SLC39A11: variants seen among roughly 807,000 people sequenced by gnomAD.
SLC39A11 encodes the protein zinc transporter ZIP11.
A neutral mutation model predicts 36.1 loss-of-function variants in SLC39A11; 33 were observed. That is an observed-to-expected ratio of 0.91 (90% CI 0.69 to 1.22). The LOEUF (loss-of-function observed/expected upper bound fraction) is 1.22. Among genes scored for constraint, SLC39A11 ranks in the 50% most tolerant of loss-of-function variants. The pLI, the probability that SLC39A11 is intolerant of heterozygous loss-of-function variation, is 0.00. For synonymous variants in SLC39A11, 166 were observed against 170.3 expected, an observed-to-expected ratio of 0.97 and a Z score of 0.20; for missense variants, 432 against 430.3, an observed-to-expected ratio of 1.00 and a Z score of -0.03.
Position 72,782,644 on chromosome 17 carries a change from C to T in SLC39A11, c.602-45925G>A, listed in dbSNP as rs138972897. The stretch of plus-strand genomic sequence containing the variant: ...TGGAGGTTGTAATGAGCTGAGGTTG[C>T]ATCACTTCACTCCAGCCTGGGCGAC... On this transcript the variant is annotated intron_variant, in intron 6 of 9. Coordinates refer to ENST00000255559, the MANE Select transcript of SLC39A11 (RefSeq NM_139177.4). Among the ~76,000 whole-genome samples, 38 of 135,954 alleles carry T rather than the reference C, an allele frequency of 2.8e-4. 1 individual carries two copies. Among genetic ancestry groups the T allele is most frequent in the African/African-American group, 9.8e-4 (35 of 35,552 alleles). 89.2% of individuals were successfully genotyped at this position (135,954 alleles called of 152,430 possible).
intron 4 of SLC39A11, among the ~76,000 whole-genome samples, chr17:72,972,301 T>G (rs4968999): frequency 0.85 from 128,931 of 152,132 alleles, 55,718 homozygotes; most frequent in Middle Eastern, 0.94. Flanking sequence ...TGAGATGAAG[T>G]GTTCACAGCC....
intron 7 of SLC39A11, among the ~76,000 whole-genome samples, chr17:72,682,654 C>T (rs559141187): frequency 6.6e-6 from 1 of 152,086 alleles, no homozygotes. Flanking sequence ...CTGACCCCCA[C>T]AAAAAAAACT....
At chr17:72,728,661 T>G (rs979385007) in intron 7 of SLC39A11, among the ~76,000 whole-genome samples, 3 of 152,144 alleles carry the variant, frequency 2.0e-5, no homozygotes, top group African/African-American at 7.2e-5. Flanking sequence ...GAAATAGGTG[T>G]TGGGCCAAAT....
chr17:73,075,347 G>A (rs538200706), intron 3 of SLC39A11, among the ~76,000 whole-genome samples: 2 of 152,282 alleles, frequency 1.3e-5, no homozygotes, highest in South Asian at 2.1e-4. Flanking sequence ...GAGCTTGCCC[G>A]AGGTCACTCT....
At chr17:72,966,125 GC>G (rs2086954793) in intron 4 of SLC39A11, among the ~76,000 whole-genome samples, 1 of 152,210 alleles carries the variant, frequency 6.6e-6, no homozygotes, top group Non-Finnish European at 1.5e-5. Context: ...GGGCAACGCA[GC>G]CACTGAAAAC....
At chr17:73,007,148 C>T (rs529825873) in intron 4 of SLC39A11, among the ~76,000 whole-genome samples, 2 of 152,112 alleles carry the variant, frequency 1.3e-5, no homozygotes, top group Non-Finnish European at 2.9e-5. Context: ...CAGGGCCGGG[C>T]GCAGTGGCTC....
intron 4 of SLC39A11, among the ~76,000 whole-genome samples, chr17:73,004,227 GAAAGA>G (rs758355695): frequency 0.067 from 6,161 of 92,438 alleles, 624 homozygotes; most frequent in Non-Finnish European, 0.087. Context: ...AAGAAAGAAA[GAAAGA>G]AAAGAAAGAA....
At chr17:72,874,577 G>T (rs1363994566) in intron 5 of SLC39A11, among the ~76,000 whole-genome samples, 2 of 152,208 alleles carry the variant, frequency 1.3e-5, no homozygotes, top group Non-Finnish European at 2.9e-5. Context: ...GAACAGCCTG[G>T]TATAGGAGCC....
intron 5 of SLC39A11, among the ~76,000 whole-genome samples, chr17:72,910,485 G>A (rs546006178): frequency 4.9e-4 from 74 of 151,896 alleles, no homozygotes; most frequent in Admixed American, 1.4e-3. Flanking sequence ...TTAGCCAGGC[G>A]TGGTGGCATG....
chr17:72,988,019 G>A (rs1160239632), intron 4 of SLC39A11, among the ~76,000 whole-genome samples: 1 of 152,214 alleles, frequency 6.6e-6, no homozygotes, highest in Admixed American at 6.5e-5. Flanking sequence ...GTACATAGGT[G>A]TGTATATTTA....
chr17:73,079,435 A>T (rs2060442987), intron 3 of SLC39A11, among the ~76,000 whole-genome samples: 1 of 152,178 alleles, frequency 6.6e-6, no homozygotes, highest in Non-Finnish European at 1.5e-5. Context: ...CTGCCATAAA[A>T]ATATCTGCAT....
At chr17:73,039,628 T>C (rs910247228) in intron 3 of SLC39A11, among the ~76,000 whole-genome samples, 5 of 152,240 alleles carry the variant, frequency 3.3e-5, no homozygotes, top group Non-Finnish European at 7.3e-5. Context: ...TACAGACTCA[T>C]ACTCAAATGC....
chr17:73,079,468 G>A (rs902879379), intron 3 of SLC39A11, among the ~76,000 whole-genome samples: 1 of 152,010 alleles, frequency 6.6e-6, no homozygotes, highest in Admixed American at 6.6e-5. Context: ...AAAACCCTCA[G>A]TAAAATCAGC....
chr17:72,885,753 C>A (rs2081409432), intron 5 of SLC39A11, among the ~76,000 whole-genome samples: 1 of 152,180 alleles, frequency 6.6e-6, no homozygotes, highest in Admixed American at 6.5e-5. Context: ...CACTTCCCCC[C>A]TCATCAAGCA....
chr17:72,835,671 G>C (rs2078503235), intron 6 of SLC39A11, among the ~76,000 whole-genome samples: 1 of 152,148 alleles, frequency 6.6e-6, no homozygotes, highest in Non-Finnish European at 1.5e-5. Flanking sequence ...ACGTTGCCCA[G>C]GCTGGTCTTG....
intron 7 of SLC39A11, among the ~76,000 whole-genome samples, chr17:72,729,417 A>T (rs1326865979): frequency 1.1e-3 from 2 of 1,834 alleles, no homozygotes; most frequent in Non-Finnish European, 1.9e-3. Context: ...ATATATATAT[A>T]TATATATATA....
intron 3 of SLC39A11, among the ~76,000 whole-genome samples, chr17:73,066,949 C>T (rs372217525): frequency 1.8e-4 from 28 of 152,336 alleles, no homozygotes; most frequent in African/African-American, 6.0e-4. Flanking sequence ...TTATTTTTAT[C>T]GTATATCCTT....
chr17:73,086,721 G>A (rs1324051049), intron 2 of SLC39A11, among the ~76,000 whole-genome samples: 1 of 152,246 alleles, frequency 6.6e-6, no homozygotes, highest in Admixed American at 6.5e-5. Context: ...TTGGGAGGCT[G>A]AGGTGGGACG....
intron 5 of SLC39A11, among the ~76,000 whole-genome samples, chr17:72,896,983 G>A (rs1208183839): frequency 6.7e-6 from 1 of 148,998 alleles, no homozygotes; most frequent in Non-Finnish European, 1.5e-5. Context: ...AATCCAGGAG[G>A]TGGAGGTTGC....
Sources: gnomAD v4.1 joint callset for allele counts (sites outside exome capture counted in the v4.1 genomes callset) on GRCh38, gnomAD v4.1.1 for gene constraint, MANE v1.5 for transcripts, NCBI Gene and HGNC (gene_info 2026-07-23, HGNC 2026-07-21) for gene names.